Variants in USP53 observed in about 807,000 individuals in gnomAD.
USP53 encodes the protein ubiquitin carboxyl-terminal hydrolase 53.
A neutral mutation model predicts 94.9 loss-of-function variants in USP53; 71 were observed. The ratio of observed to expected loss-of-function variants is 0.75; its 90% confidence interval spans 0.62 to 0.91. USP53 has a LOEUF of 0.91. USP53 is among the 40% of genes least tolerant of loss of function. The pLI, the probability that USP53 is intolerant of heterozygous loss-of-function variation, is 0.00. For synonymous variants in USP53, 375 were observed against 422.7 expected, an observed-to-expected ratio of 0.89 and a Z score of 1.39; for missense variants, 1,173 against 1,281.0, an observed-to-expected ratio of 0.92 and a Z score of 1.29.
chr4:119,293,066 C>A lies in USP53; in HGVS notation c.3077C>A (p.Ser1026Tyr). 6.2e-7 allele frequency: 1 copy of A among 1,614,102 alleles called. No individual in the cohort carries two copies. The highest frequency in any genetic ancestry group is 8.5e-7 in the Non-Finnish European group (1 of 1,179,954). The change falls in exon 19 of 19, where the codon TCT becomes TAT. Residue 1026 changes from serine (S) to tyrosine (Y), a missense_variant. Transcript: ENST00000692078. ...TGCCAACCAGAACTAGACTCTATTT[C>A]TACCTGTCCAAATGAGACAGTTTCA... Reference protein sequence around the residue: ...AFCQPELDSISTCPNETVSLT... With the variant: ...AFCQPELDSIYTCPNETVSLT...
In USP53 at chr4:119,239,686, A is replaced by G; in HGVS notation, c.-74A>G. Reference sequence around the variant, plus strand: ...TGGATTTAATTGGACAATTCAAGACATCCATTTTATTGTCCAAAATATTAC... The same window carrying G: ...TGGATTTAATTGGACAATTCAAGACGTCCATTTTATTGTCCAAAATATTAC... On this transcript the variant is annotated 5_prime_UTR_variant, in exon 5 of 19. Transcript: ENST00000692078. 5 of 1,485,666 alleles carry G rather than the reference A, an allele frequency of 3.4e-6. No homozygotes were observed. The highest frequency in any genetic ancestry group is 4.5e-6 in the Non-Finnish European group (5 of 1,107,872). The allele number at this position is 1,485,666 out of a possible 1,614,324, so 92.0% of individuals were successfully genotyped here.
chr4:119,264,611 T>C (rs1052801383), intron 12 of USP53, among the ~76,000 whole-genome samples: 2 of 152,170 alleles, frequency 1.3e-5, no homozygotes, highest in African/African-American at 4.8e-5. Flanking sequence ...ACAATGGAAA[T>C]ACAAATTTAA....
intron 2 of USP53, among the ~76,000 whole-genome samples, chr4:119,215,441 A>G (rs1189440272): frequency 1.3e-5 from 2 of 152,178 alleles, no homozygotes; most frequent in African/African-American, 4.8e-5. Context: ...TAATAAGAAT[A>G]CCATAGATAC....
At chr4:119,269,947 AAAT>A (rs1401858124) in intron 15 of USP53, 110 bp downstream of exon 15, 2 of 422,848 alleles carry the variant, frequency 4.7e-6, no homozygotes, top group Admixed American at 5.7e-5. Context: ...TATATATTAA[AAAT>A]ACATAAATAT....
intron 18 of USP53, 74 bp from the exon 19 acceptor site, chr4:119,292,264 C>T (rs1182762970): frequency 1.4e-6 from 2 of 1,403,144 alleles, no homozygotes; most frequent in Non-Finnish European, 1.9e-6. Flanking sequence ...AACTACAAAA[C>T]AAATGTTTAT....
At chr4:119,273,401 TA>T in intron 16 of USP53, 1 of 376,624 alleles carries the variant, frequency 2.7e-6, no homozygotes. Context: ...ATCAGGACTT[TA>T]TAACCAGATA....
At chr4:119,238,010 A>T (rs1578444510) in intron 4 of USP53, among the ~76,000 whole-genome samples, 1 of 152,326 alleles carries the variant, frequency 6.6e-6, no homozygotes, top group Non-Finnish European at 1.5e-5. Flanking sequence ...GGAATGTTGT[A>T]ACTGGTTGGA....
At chr4:119,212,917 T>C (rs941150823) in intron 1 of USP53, 44 bp downstream of exon 1, 7 of 177,526 alleles carry the variant, frequency 3.9e-5, no homozygotes, top group Admixed American at 3.9e-4. Flanking sequence ...TCCAGAGACC[T>C]GCGACCCCCG....
chr4:119,217,832 A>C (rs903823266), intron 3 of USP53, 159 bp downstream of exon 3: 1 of 152,004 alleles, frequency 6.6e-6, no homozygotes, highest in African/African-American at 2.4e-5. Flanking sequence ...AGGCAGGGGA[A>C]TGGCCAGTGC....
intron 3 of USP53, chr4:119,218,184 A>G (rs1335273631): frequency 6.6e-6 from 1 of 152,224 alleles, no homozygotes; most frequent in Admixed American, 6.5e-5. Flanking sequence ...ATTTGTTCTC[A>G]GCAACTGGAA....
In USP53 at chr4:119,293,915, A is replaced by C. The variant is rs1239182821; in HGVS notation, c.*704A>C. ...TTTGTAAGTTTTCAAGATCGGATGG[A>C]ATTTAATTTTGCTCCTAGAATTTTT... On this transcript the variant is annotated 3_prime_UTR_variant, in exon 19 of 19. Transcript: ENST00000692078. 6.6e-6 allele frequency: 1 copy of C among 152,140 alleles called. No individual in the cohort carries two copies. Among genetic ancestry groups the C allele is most frequent in the African/African-American group, 2.4e-5 (1 of 41,460 alleles). 9.4% of individuals were successfully genotyped at this position (152,140 alleles called of 1,614,324 possible). A position where few individuals can be genotyped will look rare whatever the true frequency, so the allele number is the denominator to read the frequency against.
chr4:119,213,670 G>GTGTGTGTGTGTGTA (rs1553962030), intron 1 of USP53, among the ~76,000 whole-genome samples: 1 of 120,502 alleles, frequency 8.3e-6, no homozygotes, highest in Non-Finnish European at 1.6e-5. Flanking sequence ...ATGTGTGTGT[G>GTGTGTGTGTGTGTA]TGTATGTATG....
chr4:119,256,024 A>G (rs1228599567), intron 7 of USP53, among the ~76,000 whole-genome samples: 1 of 150,682 alleles, frequency 6.6e-6, no homozygotes, highest in African/African-American at 2.5e-5. Flanking sequence ...TCATGTTATA[A>G]TGTTTGTTTA....
chr4:119,267,394 A>G lies in USP53; in HGVS notation c.1047A>G (p.Ala349=). 6.2e-7 allele frequency: 1 copy of G among 1,614,098 alleles called. No individual in the cohort carries two copies. Among genetic ancestry groups the G allele is most frequent in the Non-Finnish European group, 8.5e-7 (1 of 1,179,986 alleles). The change falls in exon 13 of 19, where the codon GCA becomes GCG. Residue 349 remains alanine (A), a synonymous_variant. Coordinates refer to ENST00000692078, the MANE Select transcript of USP53 (RefSeq NM_001371395.1). Reference sequence around the variant, plus strand: ...TTCAGCCACTACTTTTGTTTTATGCAAACCCAGATGGCACAGCAGTTTCTA... The same window carrying G: ...TTCAGCCACTACTTTTGTTTTATGCGAACCCAGATGGCACAGCAGTTTCTA... The part of the protein sequence containing the change: ...CHFQPLLLFY[A]NPDGTAVSTE...
At chr4:119,246,129 G>A (rs1194235541) in intron 6 of USP53, among the ~76,000 whole-genome samples, 1 of 152,184 alleles carries the variant, frequency 6.6e-6, no homozygotes, top group Admixed American at 6.6e-5. Flanking sequence ...GAGGGTAGCC[G>A]AGGTGGCTTT....
Position 119,261,847 on chromosome 4 carries a change from G to T in USP53, c.955G>T (p.Asp319Tyr). 1 of 1,473,560 alleles carries T rather than the reference G, an allele frequency of 6.8e-7. No homozygotes were observed. The highest frequency in any genetic ancestry group is 9.1e-7 in the Non-Finnish European group (1 of 1,093,724). The allele number at this position is 1,473,560 out of a possible 1,614,324, so 91.3% of individuals were successfully genotyped here. ...TKSSKWVFFD[D>Y]ANVKEIGTRW... ...AAGTTCCAAATGGGTATTTTTTGAT[G>T]ATGCAAATGTGAAAGAGGTAAGTGA... The change falls in exon 12 of 19, where the codon GAT becomes TAT. Residue 319 changes from aspartate (D) to tyrosine (Y), a missense_variant. Transcript: ENST00000692078.
At chr4:119,215,641 G>A (rs1743633838) in intron 2 of USP53, among the ~76,000 whole-genome samples, 3 of 150,694 alleles carry the variant, frequency 2.0e-5, no homozygotes. Context: ...TTTTTTTTAT[G>A]CTATGAATTT....
At chr4:119,273,820 T>G in intron 17 of USP53, 112 bp downstream of exon 17, 1 of 770,136 alleles carries the variant, frequency 1.3e-6, no homozygotes, top group Non-Finnish European at 2.0e-6. Context: ...AAATTATTTT[T>G]AAATAACCCT....
Position 119,248,748 on chromosome 4 carries a change from A to G in USP53, c.238A>G (p.Thr80Ala). Residue 80 changes from threonine (T) to alanine (A), a missense_variant and splice_region_variant, in exon 7 of 19, where the codon ACG becomes GCG. Physicochemically the swap from Thr to Ala is moderately conservative, Grantham distance 58. Transcript: ENST00000692078. ...GDACIFCALK[T>A]IFAQFQHSRE... Reference sequence around the variant, plus strand: ...TACTGATTTTCTTGTCGATTCCCAGACGATATTTGCACAGTTCCAACACAG... The same window carrying G: ...TACTGATTTTCTTGTCGATTCCCAGGCGATATTTGCACAGTTCCAACACAG... 2 of 1,608,782 alleles carry G rather than the reference A, an allele frequency of 1.2e-6. No individual in the cohort carries two copies. The highest frequency in any genetic ancestry group is 1.7e-6 in the Non-Finnish European group (2 of 1,178,044).
Sources: allele counts gnomAD v4.1 joint callset (sites outside exome capture counted in the v4.1 genomes callset), GRCh38; gene constraint gnomAD v4.1.1; transcripts MANE v1.5; gene names NCBI Gene and HGNC (gene_info 2026-07-23, HGNC 2026-07-21).